The following ARL10 variants were observed in gnomAD, a reference collection of about 807,000 sequenced individuals.
The protein encoded by ARL10 is ADP-ribosylation factor-like protein 10.
A neutral mutation model predicts 26.1 loss-of-function variants in ARL10; 23 were observed. The observed-to-expected ratio is 0.88, with a 90% confidence interval of 0.63 to 1.25. ARL10 has a LOEUF of 1.25. Among genes scored for constraint, ARL10 ranks in the 50% most tolerant of loss-of-function variants. The probability of loss-of-function intolerance (pLI) is 0.00; values close to 1 mark genes in which losing one functional copy is unlikely to be tolerated. For missense variants in ARL10, 300 were observed against 323.6 expected (o/e 0.93, Z 0.56); for synonymous variants, 138 against 149.1 (o/e 0.93, Z 0.54).
At chr5:176,384,399 G>A (rs2113576179), downstream of ARL10, 1 of 1,599,940 alleles carries the variant, frequency 6.3e-7, no homozygotes, top group South Asian at 1.1e-5. Flanking sequence ...GCTACTTTAA[G>A]GAGGGCTAGA....
At chr5:176,414,730 CTG>C in the ARL10 span, among the ~76,000 whole-genome samples, 1 of 152,184 alleles carries the variant, frequency 6.6e-6, no homozygotes, top group African/African-American at 2.4e-5. Flanking sequence ...TCATTCCTGG[CTG>C]TGTGACTCTG....
chr5:176,371,592 T>A lies in ARL10; in HGVS notation c.562-130T>A, dbSNP rs1581395204. On this transcript the variant is annotated intron_variant, in intron 3 of 3. Transcript: ENST00000310389. The stretch of plus-strand genomic sequence containing the variant: ...GTGTGTTTCCTGATATTCCCGGGGA[T>A]AGCCTAAGAACAGTGTGTTTCCTGA... The A allele has an allele frequency of 1.3e-5, 8 of 596,486 alleles. No individual in the cohort carries two copies. In the East Asian group the frequency reaches 2.2e-4, roughly 17 times the overall value. 36.9% of individuals were successfully genotyped at this position (596,486 alleles called of 1,614,324 possible). A position where few individuals can be genotyped will look rare whatever the true frequency, so the allele number is the denominator to read the frequency against.
downstream of ARL10, among the ~76,000 whole-genome samples, chr5:176,393,115 TC>T (rs755187287): frequency 2.0e-5 from 3 of 152,106 alleles, no homozygotes; most frequent in Non-Finnish European, 2.9e-5. This position sits in a 1 kb window ranked among gnomAD's most constrained non-coding sequence, Gnocchi z 4.4. Flanking sequence ...CCTAGCTTGG[TC>T]CTGCCTCAGG....
downstream of ARL10, among the ~76,000 whole-genome samples, chr5:176,392,081 C>T (rs189714863): frequency 7.9e-4 from 120 of 152,286 alleles, 1 homozygote; most frequent in South Asian, 9.3e-3. The surrounding 1 kb of genome is among the most constrained non-coding windows in gnomAD (Gnocchi z 5.2). Flanking sequence ...CCCTCCACAT[C>T]CAGAAGGTCC....
chr5:176,372,913 C>T lies in ARL10; in HGVS notation c.*1018C>T, dbSNP rs936067873. 7.5e-6 allele frequency: 3 copies of T among 398,552 alleles called. No individual in the cohort carries two copies. The highest frequency in any genetic ancestry group is 6.2e-5 in the African/African-American group (3 of 48,624). The allele number at this position is 398,552 out of a possible 1,614,324, so 24.7% of individuals were successfully genotyped here. On this transcript the variant is annotated 3_prime_UTR_variant, in exon 4 of 4. Coordinates refer to ENST00000310389, the MANE Select transcript of ARL10 (RefSeq NM_173664.6). ...TGGAACTTAGGAAAATAGCTGGAATCATGAATGACAATGAGATAACATACA... is the reference window on the plus strand; with the variant it reads ...TGGAACTTAGGAAAATAGCTGGAATTATGAATGACAATGAGATAACATACA...
the ARL10 span, chr5:176,410,230 C>G: frequency 2.5e-6 from 4 of 1,610,722 alleles, no homozygotes; most frequent in South Asian, 4.4e-5. Context: ...TTGGTCCTTA[C>G]CACTGCTGAG....
chr5:176,406,514 G>A (rs1192916011), downstream of ARL10: 1 of 1,246,306 alleles, frequency 8.0e-7, no homozygotes, highest in Middle Eastern at 2.2e-4. Context: ...CCTCTAAGAA[G>A]CTAAAAGGAG....
downstream of ARL10, chr5:176,389,376 TC>T: frequency 6.2e-7 from 1 of 1,614,040 alleles, no homozygotes; most frequent in Non-Finnish European, 8.5e-7. Flanking sequence ...CTCTACTCCT[TC>T]CACCGGGGCA....
downstream of ARL10, among the ~76,000 whole-genome samples, chr5:176,390,901 T>C (rs1362437916): frequency 6.6e-6 from 1 of 152,180 alleles, no homozygotes; most frequent in Non-Finnish European, 1.5e-5. Flanking sequence ...CTGAGCACAC[T>C]CTAGAAGAGA....
In ARL10 at chr5:176,388,516, G is replaced by A. The variant is rs377455146; in HGVS notation, c.*18G>A. The A allele has an allele frequency of 5.6e-6, 9 of 1,613,314 alleles. No individual in the cohort carries two copies. In the African/African-American group the frequency reaches 1.1e-4, roughly 19 times the overall value. ...CACTGTAACCAAACTTCTGCCTCCG[G>A]GTTTTGCCCTTGGCCTTGGGCATCG... On this transcript the variant is annotated 3_prime_UTR_variant, in exon 2 of 2. Transcript: ENST00000503175.
chr5:176,369,966 A>AG (rs1025945966), intron 3 of ARL10, among the ~76,000 whole-genome samples: 1 of 151,676 alleles, frequency 6.6e-6, no homozygotes, highest in Non-Finnish European at 1.5e-5. Context: ...CTCAAAAAAA[A>AG]AAAAAAAAAT....
At chr5:176,388,678 T>TACAA, downstream of ARL10, 1 of 1,346,514 alleles carries the variant, frequency 7.4e-7, no homozygotes, top group Non-Finnish European at 1.0e-6. Flanking sequence ...ACTACCGTGC[T>TACAA]GAGCACTACG....
the ARL10 span, among the ~76,000 whole-genome samples, chr5:176,414,884 G>A: frequency 1.3e-5 from 2 of 152,182 alleles, no homozygotes; most frequent in Non-Finnish European, 2.9e-5. Flanking sequence ...TATCCCCAGC[G>A]TCCTGACACA....
intron 1 of ARL10, among the ~76,000 whole-genome samples, chr5:176,401,010 G>A (rs1343791568): frequency 6.6e-6 from 1 of 152,164 alleles, no homozygotes; most frequent in East Asian, 1.9e-4. Flanking sequence ...CCTGGCTCCT[G>A]GGATCATCGG....
rs149911333 is a variant in ARL10, at chr5:176,388,179, A to C, written c.37-116A>C. On this transcript the variant is annotated intron_variant, in intron 1 of 1. Transcript: ENST00000503175. ...AGTACCACGTTCTGACACCTAGGTC[A>C]GTATGGCGGGGGAAGAGTAAAGAAG... The C allele has an allele frequency of 5.3e-6, 7 of 1,317,936 alleles. No individual in the cohort carries two copies. The East Asian group carries it at 1.6e-4, about 31-fold the overall frequency. 81.6% of individuals were successfully genotyped at this position (1,317,936 alleles called of 1,614,324 possible).
At position 176,396,373 on chromosome 5, in the gene ARL10, C is replaced by T. The variant is rs73328143; in HGVS notation, c.134-5368C>T. 2.2e-3 allele frequency: 2,308 copies of T among 1,056,508 alleles called. 27 individuals are homozygous for T. The African/African-American group carries it at 0.029, about 13-fold the overall frequency. 65.4% of individuals were successfully genotyped at this position (1,056,508 alleles called of 1,614,324 possible). ...TTGCCTCCTGTTCTGACCATTGCTC[C>T]GAGCCCAGCCACACTCATTTATATC... On this transcript the variant is annotated intron_variant, in intron 1 of 1. Transcript: ENST00000514533.
intron 1 of ARL10, among the ~76,000 whole-genome samples, chr5:176,395,207 A>C (rs1581422961): frequency 6.8e-6 from 1 of 146,988 alleles, no homozygotes; most frequent in Non-Finnish European, 1.5e-5. Flanking sequence ...TTCTCTTCCC[A>C]CCCTCCCTAT....
chr5:176,413,771 C>A, the ARL10 span, among the ~76,000 whole-genome samples: 1 of 152,216 alleles, frequency 6.6e-6, no homozygotes, highest in Non-Finnish European at 1.5e-5. Flanking sequence ...TCAATTCTAG[C>A]CCATCTGGCC....
chr5:176,389,424 T>C (rs1320109533), downstream of ARL10: 2 of 1,614,052 alleles, frequency 1.2e-6, no homozygotes, highest in Middle Eastern at 1.6e-4. Flanking sequence ...CGCACCCGGA[T>C]CGCCGCCCAG....
Sources: gnomAD v4.1 joint callset for allele counts (sites outside exome capture counted in the v4.1 genomes callset) on GRCh38, gnomAD v4.1.1 for gene constraint, Gnocchi (gnomAD v3.1) non-coding constraint, MANE v1.5 for transcripts, NCBI Gene and HGNC (gene_info 2026-07-23, HGNC 2026-07-21) for gene names.